The following KIF7 variants were observed in gnomAD, a reference collection of about 807,000 sequenced individuals.
KIF7 encodes the protein kinesin-like protein KIF7.
A neutral mutation model predicts 135.7 loss-of-function variants in KIF7; 104 were observed. The ratio of observed to expected loss-of-function variants is 0.77; its 90% CI spans 0.65 to 0.90. The LOEUF (loss-of-function observed/expected upper bound fraction) is 0.90, where lower values mean the gene tolerates loss of function less well. Ranked by LOEUF, KIF7 falls within the 40% of genes least tolerant of loss-of-function variation. The pLI is 0.00. For synonymous variants in KIF7, 883 were observed against 809.4 expected (o/e 1.09, Z -1.54); for missense variants, 2,005 against 1,839.1 (o/e 1.09, Z -1.65).
chr15:89,636,187 A>C (rs1367467801), intron 11 of KIF7, among the ~76,000 whole-genome samples: 1 of 152,180 alleles, frequency 6.6e-6, no homozygotes, highest in Non-Finnish European at 1.5e-5. Flanking sequence ...AGCGCTAAAC[A>C]TGGAAAGGAA....
At chr15:89,643,071 A>G (rs7180221) in intron 10 of KIF7, among the ~76,000 whole-genome samples, 2,157 of 107,222 alleles carry the variant, frequency 0.02, 67 homozygotes, top group African/African-American at 0.066. Flanking sequence ...GCAAACAGAC[A>G]AACCCCAAAC....
chr15:89,619,566 C>G, intron 1 of KIF7: 1 of 821,322 alleles, frequency 1.2e-6, no homozygotes, highest in Admixed American at 2.8e-5. Context: ...AGAGACACTT[C>G]AGAAGTCTCT....
chr15:89,659,466 A>AGAG (rs1555425600), upstream of KIF7, among the ~76,000 whole-genome samples: 1 of 150,642 alleles, frequency 6.6e-6, no homozygotes, highest in Admixed American at 6.6e-5. Context: ...AAAGAAAGAA[A>AGAG]AAAGAAAGAA....
rs564544623 is a variant in KIF7 at position 89,631,403 on chromosome 15, G to A, written c.3111+92C>T. On this transcript the variant is annotated intron_variant, in intron 15 of 18. Coordinates refer to ENST00000394412, the MANE Select transcript of KIF7 (RefSeq NM_198525.3). ...TTGGGTCTGCCGACAGCAAGGCCCA[G>A]CACCCGCAGAGGGCTGGAGCAAGGG... 3.3e-5 allele frequency: 39 copies of A among 1,188,832 alleles called. 1 individual carries two copies. The highest frequency in any genetic ancestry group is 1.8e-4 in the Admixed American group (8 of 45,422). 73.6% of individuals were successfully genotyped at this position (1,188,832 alleles called of 1,614,324 possible).
chr15:89,633,219 C>T lies in KIF7; in HGVS notation c.2640G>A (p.Lys880=). The T allele has an allele frequency of 1.3e-6, 2 of 1,594,964 alleles. No homozygotes were observed. The highest frequency in any genetic ancestry group is 1.7e-6 in the Non-Finnish European group (2 of 1,173,206). Reference sequence around the variant, plus strand: ...TCTGGAATGCCGCGATCTCTTCCGTCTTAATCTTCAGGATCTTCTGCTGTT... The same window carrying T: ...TCTGGAATGCCGCGATCTCTTCCGTTTTAATCTTCAGGATCTTCTGCTGTT... ...HEQQQKILKI[K]TEEIAAFQRK... is the part of the protein sequence containing the mutation. The change falls in exon 13 of 19, where the codon AAG becomes AAA. Residue 880 remains lysine, a synonymous_variant. Transcript: ENST00000394412.
chr15:89,645,895 G>T lies in KIF7; in HGVS notation c.1920C>A (p.Arg640=). ...EEPPRRTLHL[R]RNRISNCSQR... ...TGGGGGCAGTGGGTCCCACTCACCT[G>T]CGCAGGTGTAAGGTCCGCCTGGGCG... Residue 640 remains arginine, a splice_region_variant and synonymous_variant, in exon 8 of 19, where the codon CGC becomes CGA. Transcript: ENST00000394412. 1 of 1,613,290 alleles carries T rather than the reference G, an allele frequency of 6.2e-7. No individual in the cohort carries two copies. Among genetic ancestry groups the T allele is most frequent in the South Asian group, 1.1e-5 (1 of 91,074 alleles).
Position 89,629,446 on chromosome 15 carries a change from A to ATCTCCAGGCGCTGCC in KIF7, c.3431_3445dup (p.Arg1144_Glu1148dup). On this transcript the variant is annotated inframe_insertion, in exon 17 of 19. Transcript: ENST00000394412. ...CTGCTGCAGGGTCAGCTGGCGGTCC[A>ATCTCCAGGCGCTGCC]TCTCCAGGCGCTGCCGCTCCAGGGC... 6.2e-7 allele frequency: 1 copy of ATCTCCAGGCGCTGCC among 1,609,438 alleles called. No individual in the cohort carries two copies. Among genetic ancestry groups the ATCTCCAGGCGCTGCC allele is most frequent in the Non-Finnish European group, 8.5e-7 (1 of 1,179,908 alleles).
At chr15:89,647,779 C>T (rs1419135997) in intron 5 of KIF7, 67 bp from the exon 6 acceptor site, 9 of 1,195,094 alleles carry the variant, frequency 7.5e-6, no homozygotes, top group Middle Eastern at 2.2e-4. Context: ...CCGGCCTCTT[C>T]TTGTTTAGCC....
rs1394357304 is a variant in KIF7, at chr15:89,649,048, G to C, written c.849C>G (p.Gly283=). The change falls in exon 4 of 19, where the codon GGC becomes GGG. Residue 283 remains glycine, a synonymous_variant. Coordinates refer to ENST00000394412, the MANE Select transcript of KIF7 (RefSeq NM_198525.3). ...IQINSSLLAL[G]NVISALGDPQ... ...GGTCCCCCAGGGCGCTGATGACGTT[G>C]CCCAGCGCCAGGAGGCTGCTGTTGA... 1.2e-5 allele frequency: 19 copies of C among 1,548,112 alleles called. No individual in the cohort carries two copies. In the Admixed American group the frequency reaches 3.5e-4, roughly 29 times the overall value.
In KIF7 at chr15:89,642,219, G is replaced by A. The variant is rs1177602980; in HGVS notation, c.2378C>T (p.Ala793Val). The change falls in exon 11 of 19, where the codon GCC becomes GTC. Residue 793 changes from alanine to valine, a missense_variant. Transcript: ENST00000394412. ...GAGACTAACCTGCACCTGGCTCTGGGCCGCAGCGACCCTCCTGCGGAACTC... is the reference window on the plus strand; with the variant it reads ...GAGACTAACCTGCACCTGGCTCTGGACCGCAGCGACCCTCCTGCGGAACTC... ...LQEFRRRVAA[A>V]QSQVQVLKEK... 1 of 1,610,258 alleles carries A rather than the reference G, an allele frequency of 6.2e-7. No homozygotes were observed. The highest frequency in any genetic ancestry group is 1.3e-5 in the African/African-American group (1 of 74,966).
downstream of KIF7, chr15:89,627,832 G>T (rs569892063): frequency 6.6e-6 from 1 of 152,554 alleles, no homozygotes. Flanking sequence ...CCTGCTGCGG[G>T]TCCTGGCCAG....
At chr15:89,624,843 T>A (rs1328281162), downstream of KIF7, 1 of 1,614,186 alleles carries the variant, frequency 6.2e-7, no homozygotes. Flanking sequence ...CATCTCCTCC[T>A]TCCTGTGGGC....
Position 89,648,969 on chromosome 15 carries a change from C to T in KIF7, c.923+5G>A. On this transcript the variant is annotated splice_donor_5th_base_variant and intron_variant, in intron 4 of 18. Coordinates refer to ENST00000394412, the MANE Select transcript of KIF7 (RefSeq NM_198525.3). ...AGGCCACATAGGAGCCAGGGGGCAG[C>T]TCACCGGGTGATCTTGGAGTCGCGG... The T allele has an allele frequency of 6.5e-7, 1 of 1,531,942 alleles. No homozygotes were observed. Among genetic ancestry groups the T allele is most frequent in the Non-Finnish European group, 8.8e-7 (1 of 1,137,968 alleles). 94.9% of individuals were successfully genotyped at this position (1,531,942 alleles called of 1,614,324 possible). A position where few individuals can be genotyped will look rare whatever the true frequency, so the allele number is the denominator to read the frequency against.
Position 89,629,416 on chromosome 15 carries a change from T to C in KIF7, c.3476A>G (p.Glu1159Gly). The C allele has an allele frequency of 6.2e-7, 1 of 1,606,920 alleles. No individual in the cohort carries two copies. The highest frequency in any genetic ancestry group is 8.5e-7 in the Non-Finnish European group (1 of 1,179,624). ...GAGCAGCTGCATGTTCTGCTCGTGCTCCTTCTGCTGCAGGGTCAGCTGGCG... is the reference window on the plus strand; with the variant it reads ...GAGCAGCTGCATGTTCTGCTCGTGCCCCTTCTGCTGCAGGGTCAGCTGGCG... Reference protein sequence around the residue: ...MDRQLTLQQKEHEQNMQLLLQ... With the variant: ...MDRQLTLQQKGHEQNMQLLLQ... Residue 1159 changes from glutamate to glycine, a missense_variant, in exon 17 of 19, where the codon GAG becomes GGG. Coordinates refer to ENST00000394412, the MANE Select transcript of KIF7 (RefSeq NM_198525.3).
chr15:89,629,862 A>C, intron 16 of KIF7: 2 of 553,272 alleles, frequency 3.6e-6, no homozygotes, highest in South Asian at 4.3e-5. Context: ...CATCTAGACC[A>C]ACCTCAGCAC....
downstream of KIF7, chr15:89,625,325 A>G (rs752064596): frequency 1.3e-5 from 21 of 1,613,928 alleles, no homozygotes; most frequent in East Asian, 4.0e-4. Flanking sequence ...CCATCCCCCA[A>G]GCACAGTGGG....
chr15:89,633,013 A>AGGGAGGGAGGGAGGGT lies in KIF7; in HGVS notation c.2719-18_2719-17insACCCTCCCTCCCTCCC. On this transcript the variant is annotated splice_polypyrimidine_tract_variant and intron_variant, in intron 13 of 18. Coordinates refer to ENST00000394412, the MANE Select transcript of KIF7 (RefSeq NM_198525.3). ...CTCAATCTTCTAAGGAAAAGTAGGG[A>AGGGAGGGAGGGAGGGT]GGGAGGGAGGGAACTCAGGGCCCAC... is the stretch of plus-strand genomic sequence containing the variant. 1 of 693,972 alleles carries AGGGAGGGAGGGAGGGT rather than the reference A, an allele frequency of 1.4e-6. No homozygotes were observed. Among genetic ancestry groups the AGGGAGGGAGGGAGGGT allele is most frequent in the Non-Finnish European group, 2.4e-6 (1 of 422,116 alleles). 43.0% of individuals were successfully genotyped at this position (693,972 alleles called of 1,614,324 possible).
intron 11 of KIF7, among the ~76,000 whole-genome samples, chr15:89,635,266 G>C (rs1963780976): frequency 6.6e-6 from 1 of 152,234 alleles, no homozygotes; most frequent in South Asian, 2.1e-4. Flanking sequence ...AAAAAGCGGA[G>C]CGCCTCTCCT....
downstream of KIF7, chr15:89,623,672 C>T (rs368257958): frequency 2.1e-5 from 34 of 1,612,216 alleles, no homozygotes; most frequent in South Asian, 5.5e-5. Context: ...AAAACTACAC[C>T]AAGAAGGATC....
Sources: gnomAD v4.1 joint callset for allele counts (sites outside exome capture counted in the v4.1 genomes callset) on GRCh38, gnomAD v4.1.1 for gene constraint, MANE v1.5 for transcripts, NCBI Gene and HGNC (gene_info 2026-07-23, HGNC 2026-07-21) for gene names.